The following TUSC7 variants were observed in gnomAD, a reference collection of about 807,000 sequenced individuals.
TUSC7 encodes tumor suppressor candidate 7, also known as LSAMP antisense RNA 3.
chr3:116,710,835 C>T (rs369529838), intron 1 of TUSC7, among the ~76,000 whole-genome samples: 6 of 152,040 alleles, frequency 3.9e-5, no homozygotes, highest in African/African-American at 1.4e-4. Flanking sequence ...TTCAGTACAG[C>T]ACTGCCCTTA....
chr3:116,715,665 G>A (rs1018404734), intron 1 of TUSC7, among the ~76,000 whole-genome samples: 3 of 151,912 alleles, frequency 2.0e-5, no homozygotes, highest in Non-Finnish European at 2.9e-5. Flanking sequence ...TTTTTAAATC[G>A]GGTTTGTTTT....
intron 1 of TUSC7, among the ~76,000 whole-genome samples, chr3:116,712,122 T>A (rs1241466721): frequency 1.3e-5 from 2 of 152,178 alleles, no homozygotes; most frequent in Non-Finnish European, 2.9e-5. Context: ...TTGTTCATAG[T>A]TTACAATTGT....
At chr3:116,710,355 G>C (rs1559924076) in intron 1 of TUSC7, 1 of 152,134 alleles carries the variant, frequency 6.6e-6, no homozygotes, top group Non-Finnish European at 1.5e-5. Context: ...GCAACACAAA[G>C]AATGACGGAG....
At chr3:116,712,052 C>T (rs1036711034) in intron 1 of TUSC7, among the ~76,000 whole-genome samples, 3 of 152,042 alleles carry the variant, frequency 2.0e-5, no homozygotes, top group Non-Finnish European at 2.9e-5. Context: ...ATTATTTGAT[C>T]CAGATTTCCT....
chr3:116,714,745 C>T lies in TUSC7; in HGVS notation n.99-3016C>T, dbSNP rs113582529. Among the ~76,000 whole-genome samples, 669 of 152,160 alleles carry T rather than the reference C, an allele frequency of 4.4e-3. 5 individuals carry two copies. Among genetic ancestry groups the T allele is most frequent in the African/African-American group, 0.014 (596 of 41,520 alleles). On this transcript the variant is annotated intron_variant and non_coding_transcript_variant, in intron 1 of 2. Transcript: ENST00000477805. Reference sequence around the variant, plus strand: ...AAGATACACCGATTTCTCATATAGCCCCTCCCTCCACAAGGGCATAGTTCC... The same window carrying T: ...AAGATACACCGATTTCTCATATAGCTCCTCCCTCCACAAGGGCATAGTTCC...
intron 1 of TUSC7, among the ~76,000 whole-genome samples, chr3:116,713,824 G>T (rs9878792): frequency 0.024 from 3,595 of 152,210 alleles, 68 homozygotes; most frequent in Non-Finnish European, 0.038. Context: ...AAATGAGCCG[G>T]GCATGGTGGT....
chr3:116,714,496 A>G (rs1407367566), intron 1 of TUSC7, among the ~76,000 whole-genome samples: 1 of 152,196 alleles, frequency 6.6e-6, no homozygotes, highest in Non-Finnish European at 1.5e-5. Flanking sequence ...TTGTTAAAGT[A>G]CAGTTTAATA....
chr3:116,709,818 T>C (rs1330804920), exon 1 of TUSC7: 3 of 152,192 alleles, frequency 2.0e-5, no homozygotes, highest in African/African-American at 7.2e-5. Context: ...GAGCTTTTCC[T>C]CTGGGAACAG....
chr3:116,710,718 A>G (rs1393695002), intron 1 of TUSC7, among the ~76,000 whole-genome samples: 2 of 152,156 alleles, frequency 1.3e-5, no homozygotes, highest in African/African-American at 4.8e-5. Context: ...TCTTTTCCAA[A>G]CTAATGGTTT....
At chr3:116,713,760 G>A (rs1473966385) in intron 1 of TUSC7, among the ~76,000 whole-genome samples, 3 of 152,160 alleles carry the variant, frequency 2.0e-5, no homozygotes, top group Non-Finnish European at 4.4e-5. Context: ...GAGGTCAGGA[G>A]TTCGAGACCA....
At chr3:116,712,954 A>G (rs1040985466) in intron 1 of TUSC7, 1 of 152,178 alleles carries the variant, frequency 6.6e-6, no homozygotes, top group Non-Finnish European at 1.5e-5. Flanking sequence ...GCATTACACC[A>G]TCAAATTTTC....
intron 1 of TUSC7, among the ~76,000 whole-genome samples, chr3:116,715,376 A>G (rs2051496872): frequency 6.6e-6 from 1 of 152,174 alleles, no homozygotes; most frequent in East Asian, 1.9e-4. Flanking sequence ...GTAAGATTAC[A>G]TTTAGTTTTG....
intron 1 of TUSC7, among the ~76,000 whole-genome samples, chr3:116,714,850 C>T (rs1252880059): frequency 6.6e-6 from 1 of 152,146 alleles, no homozygotes; most frequent in Non-Finnish European, 1.5e-5. Flanking sequence ...CACACAAAGT[C>T]CATAGTTTGC....
At chr3:116,716,246 G>A (rs1232547198) in intron 1 of TUSC7, 1 of 152,216 alleles carries the variant, frequency 6.6e-6, no homozygotes, top group East Asian at 1.9e-4. Flanking sequence ...GCCTGTGCCT[G>A]TTTGACCTCT....
At chr3:116,713,177 A>G (rs2051477189) in intron 1 of TUSC7, among the ~76,000 whole-genome samples, 1 of 152,180 alleles carries the variant, frequency 6.6e-6, no homozygotes, top group Non-Finnish European at 1.5e-5. Context: ...ACCTCACTGT[A>G]CCCATTGTCT....
intron 1 of TUSC7, chr3:116,716,386 G>C (rs2051507965): frequency 6.6e-6 from 1 of 152,116 alleles, no homozygotes; most frequent in African/African-American, 2.4e-5. Context: ...GGAGGTGGAG[G>C]AGGGACTATC....
chr3:116,713,809 T>C (rs1384000222), intron 1 of TUSC7, among the ~76,000 whole-genome samples: 4 of 151,944 alleles, frequency 2.6e-5, no homozygotes, highest in African/African-American at 7.3e-5. Context: ...CTAGTAAATA[T>C]ACAAAAATGA....
At chr3:116,713,338 T>C (rs2051478292) in intron 1 of TUSC7, among the ~76,000 whole-genome samples, 1 of 152,186 alleles carries the variant, frequency 6.6e-6, no homozygotes, top group African/African-American at 2.4e-5. Flanking sequence ...TCCCTAACTG[T>C]TAACAGCAGC....
intron 1 of TUSC7, among the ~76,000 whole-genome samples, chr3:116,715,657 T>C (rs1441425233): frequency 6.6e-6 from 1 of 152,178 alleles, no homozygotes; most frequent in African/African-American, 2.4e-5. Context: ...TTGGCCCATT[T>C]TTAAATCGGG....
Sources: allele counts gnomAD v4.1 joint callset (sites outside exome capture counted in the v4.1 genomes callset), GRCh38; gene constraint gnomAD v4.1.1; transcripts MANE v1.5; gene names NCBI Gene and HGNC (gene_info 2026-07-23, HGNC 2026-07-21).